The following BIRC6 variants were observed in gnomAD, a reference collection of about 807,000 sequenced individuals.
The protein encoded by BIRC6 is baculoviral IAP repeat containing 6.
BIRC6 carries 98 observed loss-of-function variants against 503.3 expected under a neutral mutation model. The ratio of observed to expected loss-of-function variants is 0.19; its 90% CI spans 0.17 to 0.23. The LOEUF (loss-of-function observed/expected upper bound fraction) is 0.23. Ranked by LOEUF, BIRC6 falls within the 10% of genes least tolerant of loss-of-function variation. The pLI is 1.00. For synonymous variants in BIRC6, 2,240 were observed against 2,078.7 expected, an observed-to-expected ratio of 1.08 and a Z score of -2.11; for missense variants, 5,360 against 5,806.0, an observed-to-expected ratio of 0.92 and a Z score of 2.50.
chr2:32,523,730 G>A (rs762775790), intron 57 of BIRC6, among the ~76,000 whole-genome samples: 6 of 152,166 alleles, frequency 3.9e-5, no homozygotes, highest in Non-Finnish European at 5.9e-5. Context: ...ATAAAAGACC[G>A]GGTCATAATT....
In BIRC6 at chr2:32,429,285, T is replaced by C. The variant is rs2043848424; in HGVS notation, c.3012T>C (p.Pro1004=). ...AACCTTTATCAAATCCTTCAAGTCCTGGCATTTCAGGTATGATATTAAATT... is the reference window on the plus strand; with the variant it reads ...AACCTTTATCAAATCCTTCAAGTCCCGGCATTTCAGGTATGATATTAAATT... The part of the protein sequence containing the change: ...GSKPLSNPSS[P]GISGVDLLVD... Residue 1004 remains proline (P), a synonymous_variant, in exon 11 of 74, where the codon CCT becomes CCC. Transcript: ENST00000421745. 6.6e-7 allele frequency: 1 copy of C among 1,505,924 alleles called. No homozygotes were observed. The allele number at this position is 1,505,924 out of a possible 1,614,324, so 93.3% of individuals were successfully genotyped here.
Position 32,529,635 on chromosome 2 carries a change from A to C in BIRC6, c.11921-16A>C. 1 of 1,549,954 alleles carries C rather than the reference A, an allele frequency of 6.5e-7. No individual in the cohort carries two copies. The highest frequency in any genetic ancestry group is 8.7e-7 in the Non-Finnish European group (1 of 1,152,430). On this transcript the variant is annotated splice_polypyrimidine_tract_variant and intron_variant, in intron 59 of 73. Transcript: ENST00000421745. Reference sequence around the variant, plus strand: ...CTTTCTCGGTTTCCAGATTTAACTTAGTTATATCATTTTAGGCCAGCCATT... The same window carrying C: ...CTTTCTCGGTTTCCAGATTTAACTTCGTTATATCATTTTAGGCCAGCCATT...
intron 50 of BIRC6, 147 bp downstream of exon 50, chr2:32,505,352 T>A: frequency 1.6e-6 from 1 of 640,414 alleles, no homozygotes; most frequent in Non-Finnish European, 2.6e-6. Flanking sequence ...AAATAATTAA[T>A]ACTACCAAGT....
chr2:32,415,889 A>T lies in BIRC6; in HGVS notation c.2598A>T (p.Ile866=). Residue 866 remains isoleucine (I), a synonymous_variant, in exon 10 of 74, where the codon ATA becomes ATT. Transcript: ENST00000421745. ...CGCTCATTTTGCTTCCACCCGATAT[A>T]TTGGATAATCGAGAGGATGACTGTG... ...ITSLILLPPD[I]LDNREDDCEE... is the part of the protein sequence containing the mutation. The T allele has an allele frequency of 1.9e-6, 3 of 1,613,990 alleles. No homozygotes were observed. The highest frequency in any genetic ancestry group is 2.5e-6 in the Non-Finnish European group (3 of 1,179,886).
intron 8 of BIRC6, among the ~76,000 whole-genome samples, chr2:32,405,827 G>A (rs533344179): frequency 1.3e-5 from 2 of 152,268 alleles, no homozygotes; most frequent in Admixed American, 1.3e-4. Flanking sequence ...CTTTACTACT[G>A]CAAGCTGGTG....
intron 29 of BIRC6, 53 bp downstream of exon 29, chr2:32,468,836 T>C (rs1007442371): frequency 1.5e-6 from 2 of 1,326,186 alleles, no homozygotes; most frequent in African/African-American, 2.9e-5. Flanking sequence ...TGATGTGATT[T>C]CGCTGCATGT....
intron 65 of BIRC6, among the ~76,000 whole-genome samples, chr2:32,551,662 T>C (rs1382747428): frequency 6.6e-6 from 1 of 152,192 alleles, no homozygotes; most frequent in African/African-American, 2.4e-5. Context: ...TTTGGAAAAT[T>C]AGTCTAAAGT....
At chr2:32,377,187 A>G (rs990251648) in intron 1 of BIRC6, among the ~76,000 whole-genome samples, 1 of 150,502 alleles carries the variant, frequency 6.6e-6, no homozygotes, top group Non-Finnish European at 1.5e-5. Flanking sequence ...ATTTTACTAC[A>G]TTTGCTTATT....
In BIRC6 at chr2:32,442,318, T is replaced by C; in HGVS notation, c.4107-6T>C. ...ATGAGTCTAAATGTCTGCTATTGTT[T>C]TGCAGCTCAAAGGAAGGAAATGAGA... On this transcript the variant is annotated splice_region_variant and splice_polypyrimidine_tract_variant and intron_variant, in intron 18 of 73. Coordinates refer to ENST00000421745, the MANE Select transcript of BIRC6 (RefSeq NM_016252.4). 6.2e-7 allele frequency: 1 copy of C among 1,613,254 alleles called. No individual in the cohort carries two copies.
At chr2:32,519,937 T>A (rs2055466916) in intron 57 of BIRC6, among the ~76,000 whole-genome samples, 1 of 152,234 alleles carries the variant, frequency 6.6e-6, no homozygotes, top group Non-Finnish European at 1.5e-5. Flanking sequence ...ATTATAAACA[T>A]GAGCAAGACA....
intron 9 of BIRC6, among the ~76,000 whole-genome samples, chr2:32,411,421 T>C (rs1225810221): frequency 6.8e-6 from 1 of 146,648 alleles, no homozygotes; most frequent in Non-Finnish European, 1.5e-5. Flanking sequence ...ATATATATTT[T>C]ATTTTTTTAT....
intron 5 of BIRC6, 134 bp from the exon 6 acceptor site, chr2:32,395,377 A>G (rs1219304315): frequency 1.6e-6 from 1 of 626,902 alleles, no homozygotes; most frequent in African/African-American, 1.8e-5. Context: ...GTTGGACCTA[A>G]TATTATAGGC....
intron 73 of BIRC6, among the ~76,000 whole-genome samples, chr2:32,616,875 C>T (rs1206425145): frequency 6.6e-6 from 1 of 152,096 alleles, no homozygotes; most frequent in Non-Finnish European, 1.5e-5. Context: ...GAGGCCAAGG[C>T]AGGTGGATCG....
Position 32,445,500 on chromosome 2 carries a change from T to C in BIRC6, c.4337-21T>C, listed in dbSNP as rs765259985. The C allele has an allele frequency of 5.3e-6, 8 of 1,518,758 alleles. No homozygotes were observed. In the Admixed American group the frequency reaches 1.7e-4, roughly 32 times the overall value. 94.1% of individuals were successfully genotyped at this position (1,518,758 alleles called of 1,614,324 possible). A position where few individuals can be genotyped will look rare whatever the true frequency, so the allele number is the denominator to read the frequency against. ...GAAAAGGAGGAAAAAGAAACATTTA[T>C]TTTGTTTTTATTGTTTCCAGGTTCT... is the stretch of plus-strand genomic sequence containing the variant. On this transcript the variant is annotated intron_variant, in intron 20 of 73. Transcript: ENST00000421745.
intron 29 of BIRC6, among the ~76,000 whole-genome samples, chr2:32,469,132 C>A (rs2048864177): frequency 6.6e-6 from 1 of 152,186 alleles, no homozygotes; most frequent in Non-Finnish European, 1.5e-5. Flanking sequence ...TTGATCATTA[C>A]ACGAGCTCAC....
At chr2:32,610,302 A>T (rs914459343) in intron 72 of BIRC6, among the ~76,000 whole-genome samples, 8 of 152,220 alleles carry the variant, frequency 5.3e-5, no homozygotes, top group African/African-American at 1.7e-4. Flanking sequence ...TTCTAATTTA[A>T]ATTTGTCAGA....
At chr2:32,501,088 C>A (rs1244731867) in intron 46 of BIRC6, among the ~76,000 whole-genome samples, 1 of 152,154 alleles carries the variant, frequency 6.6e-6, no homozygotes, top group Non-Finnish European at 1.5e-5. Context: ...AATTTATATG[C>A]TGTTGCTTAA....
chr2:32,481,213 G>A (rs2050367108), intron 37 of BIRC6, 107 bp from the exon 38 acceptor site: 11 of 939,446 alleles, frequency 1.2e-5, no homozygotes, highest in Non-Finnish European at 1.7e-5. Context: ...TTTTTTTTAG[G>A]CATATGTAAC....
rs2033294252 is a variant in BIRC6 at position 32,357,610 on chromosome 2, C to T, written c.325+124C>T. 2 of 1,436,186 alleles carry T rather than the reference C, an allele frequency of 1.4e-6. No homozygotes were observed. The highest frequency in any genetic ancestry group is 2.5e-4 in the Middle Eastern group (1 of 4,032). The allele number at this position is 1,436,186 out of a possible 1,614,324, so 89.0% of individuals were successfully genotyped here. ...GGCAGGGCTGGGGGTTCGGGCCCAG[C>T]CGTGAAGGGAGGCCCGGAAGCTGAT... is the stretch of plus-strand genomic sequence containing the variant. On this transcript the variant is annotated intron_variant, in intron 1 of 73. Transcript: ENST00000421745. The surrounding 1 kb of genome is among the most constrained non-coding windows in gnomAD (Gnocchi z 4.9).
Sources: allele counts gnomAD v4.1 joint callset (sites outside exome capture counted in the v4.1 genomes callset), GRCh38; gene constraint gnomAD v4.1.1; non-coding constraint Gnocchi (gnomAD v3.1); transcripts MANE v1.5; gene names NCBI Gene and HGNC (gene_info 2026-07-23, HGNC 2026-07-21).